Variants in CRYBG1 observed in about 807,000 individuals in gnomAD.
CRYBG1 encodes the protein beta/gamma crystallin domain-containing protein 1.
Under a neutral mutation model 189.2 loss-of-function variants are expected in CRYBG1, and 139 were observed. The ratio of observed to expected loss-of-function variants is 0.73; its 90% CI spans 0.64 to 0.85. CRYBG1 has a LOEUF of 0.85. Among genes scored for constraint, CRYBG1 ranks in the 40% least tolerant of loss-of-function variants. CRYBG1 has a pLI of 0.00. For missense variants in CRYBG1, 2,611 were observed against 2,675.8 expected (o/e 0.98, Z 0.53); for synonymous variants, 1,023 against 1,017.1 (o/e 1.01, Z -0.11).
intron 1 of CRYBG1, among the ~76,000 whole-genome samples, chr6:106,385,290 G>C (rs1227719068): frequency 6.6e-6 from 1 of 152,202 alleles, no homozygotes; most frequent in Non-Finnish European, 1.5e-5. Context: ...TTAAGGGCAT[G>C]TACTTTAATG....
intron 1 of CRYBG1, among the ~76,000 whole-genome samples, chr6:106,393,113 C>G (rs1418292041): frequency 6.6e-6 from 1 of 152,156 alleles, no homozygotes; most frequent in African/African-American, 2.4e-5. Flanking sequence ...AATCTCTGTA[C>G]TAGAATTTTG....
chr6:106,560,768 A>G, intron 18 of CRYBG1, 35 bp from the exon 19 acceptor site: 1 of 1,586,118 alleles, frequency 6.3e-7, no homozygotes, highest in Non-Finnish European at 8.6e-7. Flanking sequence ...TGTCAAATGA[A>G]AATTGCCACT....
intron 1 of CRYBG1, among the ~76,000 whole-genome samples, chr6:106,394,047 G>C (rs561059819): frequency 6.6e-6 from 1 of 152,040 alleles, no homozygotes; most frequent in East Asian, 1.9e-4. Flanking sequence ...TGAATGAAAG[G>C]GTATACGGCC....
chr6:106,504,212 G>A (rs533671223), intron 2 of CRYBG1, among the ~76,000 whole-genome samples: 7 of 152,244 alleles, frequency 4.6e-5, no homozygotes, highest in East Asian at 1.9e-4. Flanking sequence ...ATTCCACCCC[G>A]GGAGACTGGG....
intron 2 of CRYBG1, among the ~76,000 whole-genome samples, chr6:106,499,813 C>G (rs998203022): frequency 6.6e-6 from 1 of 152,162 alleles, no homozygotes; most frequent in African/African-American, 2.4e-5. Context: ...TGACCAACAT[C>G]TCTCCAAACT....
chr6:106,492,791 G>A (rs981548211), intron 2 of CRYBG1, among the ~76,000 whole-genome samples: 4 of 151,966 alleles, frequency 2.6e-5, no homozygotes, highest in Admixed American at 2.0e-4. Flanking sequence ...AGTTCTTAAT[G>A]TAAGAGACTT....
intron 1 of CRYBG1, among the ~76,000 whole-genome samples, chr6:106,411,069 C>A (rs1770919974): frequency 1.3e-5 from 2 of 151,912 alleles, no homozygotes; most frequent in Admixed American, 1.3e-4. Context: ...GTAGAAAACC[C>A]CTGGGAGATT....
At chr6:106,434,461 T>C (rs1771417554) in intron 1 of CRYBG1, among the ~76,000 whole-genome samples, 1 of 152,210 alleles carries the variant, frequency 6.6e-6, no homozygotes, top group Admixed American at 6.5e-5. Context: ...CCTTGAGTTG[T>C]AATATAATTA....
At chr6:106,438,644 A>G (rs781204184) in intron 1 of CRYBG1, among the ~76,000 whole-genome samples, 4 of 152,178 alleles carry the variant, frequency 2.6e-5, no homozygotes, top group Non-Finnish European at 5.9e-5. Context: ...ACATGCTTAC[A>G]TTTTAAGCAG....
chr6:106,499,132 T>TTTTG (rs377061494), intron 2 of CRYBG1, among the ~76,000 whole-genome samples: 3 of 51,794 alleles, frequency 5.8e-5, no homozygotes, highest in South Asian at 7.3e-4. Context: ...GTTTTTTGTT[T>TTTTG]TTTGTTTGTT....
At position 106,560,804 on chromosome 6, in the gene CRYBG1, T is replaced by C. The variant is rs770064945; in HGVS notation, c.5857T>C (p.Trp1953Arg). The C allele has an allele frequency of 1.2e-6, 2 of 1,603,148 alleles. No homozygotes were observed. The highest frequency in any genetic ancestry group is 2.7e-5 in the African/African-American group (2 of 74,404). Residue 1953 changes from tryptophan (W) to arginine (R), a missense_variant and splice_region_variant, in exon 19 of 22, where the codon TGG becomes CGG. By Grantham distance (101) the Trp-to-Arg change is moderately radical. This residue lies in a region of CRYBG1 where 1,622 missense variants were observed against 1,735.0 expected (regional missense o/e 0.93). Coordinates refer to ENST00000633556, the MANE Select transcript of CRYBG1 (RefSeq NM_001371242.2). ...TACTGTGGTTATTTTTGTTTTCAGA[T>C]GGGTTACTTATGAATATGGCAGTTA... is the stretch of plus-strand genomic sequence containing the variant. The part of the protein sequence containing the change: ...IRSVQVIGGI[W>R]VTYEYGSYRG...
At chr6:106,486,618 T>C (rs1392520933) in intron 2 of CRYBG1, among the ~76,000 whole-genome samples, 9 of 152,180 alleles carry the variant, frequency 5.9e-5, no homozygotes, top group Admixed American at 5.9e-4. Context: ...ATTGGATATA[T>C]ATATATTTAC....
At chr6:106,549,958 A>G (rs1384461419) in intron 13 of CRYBG1, among the ~76,000 whole-genome samples, 1 of 152,218 alleles carries the variant, frequency 6.6e-6, no homozygotes, top group African/African-American at 2.4e-5. Context: ...TCCAGGGCAC[A>G]TGGCAGGTTG....
At chr6:106,538,932 C>T (rs1207754190) in intron 8 of CRYBG1, among the ~76,000 whole-genome samples, 1 of 151,652 alleles carries the variant, frequency 6.6e-6, no homozygotes, top group Non-Finnish European at 1.5e-5. Flanking sequence ...GTTCTGGAAT[C>T]GGCTTGAATC....
At position 106,511,378 on chromosome 6, in the gene CRYBG1, G is replaced by A. The variant is rs1208095197; in HGVS notation, c.313-52G>A. On this transcript the variant is annotated intron_variant, in intron 2 of 21. Transcript: ENST00000633556. The stretch of plus-strand genomic sequence containing the variant: ...GTGGTTCTGTAATGTACGTCTAAGG[G>A]GAAAAACACCAGATTCTCATATGTT... The A allele has an allele frequency of 1.2e-5, 17 of 1,439,814 alleles. 1 individual carries two copies. In the South Asian group the frequency reaches 2.1e-4, roughly 18 times the overall value. The allele number at this position is 1,439,814 out of a possible 1,614,324, so 89.2% of individuals were successfully genotyped here. A position where few individuals can be genotyped will look rare whatever the true frequency, so the allele number is the denominator to read the frequency against.
chr6:106,392,622 C>T (rs1465157397), intron 1 of CRYBG1, among the ~76,000 whole-genome samples: 1 of 152,132 alleles, frequency 6.6e-6, no homozygotes, highest in East Asian at 1.9e-4. Flanking sequence ...ATGTGTTTAT[C>T]TAAGATTAAA....
chr6:106,528,248 T>C (rs1324086528), intron 7 of CRYBG1, among the ~76,000 whole-genome samples: 1 of 152,200 alleles, frequency 6.6e-6, no homozygotes, highest in Non-Finnish European at 1.5e-5. Context: ...TGCTAAATGA[T>C]TTATCTTTTA....
At chr6:106,386,554 T>G (rs1770392618) in intron 1 of CRYBG1, among the ~76,000 whole-genome samples, 1 of 152,184 alleles carries the variant, frequency 6.6e-6, no homozygotes, top group South Asian at 2.1e-4. Flanking sequence ...TCTGCTAATG[T>G]TAATCTGTAT....
chr6:106,423,694 CCTTTTTTTTTTTTTTTT>C (rs1771173741), intron 1 of CRYBG1, among the ~76,000 whole-genome samples: 1 of 101,246 alleles, frequency 9.9e-6, no homozygotes, highest in Non-Finnish European at 1.9e-5. Context: ...TTCTCCCTCC[CCTTTTTTTTTTTTTTTT>C]TTTTTTTTTT....
Sources: gnomAD v4.1 joint callset for allele counts (sites outside exome capture counted in the v4.1 genomes callset) on GRCh38, gnomAD v4.1.1 for gene constraint, gnomAD v4.1.1 regional missense constraint, MANE v1.5 for transcripts, NCBI Gene and HGNC (gene_info 2026-07-23, HGNC 2026-07-21) for gene names.